The following MICAL2 variants were observed in gnomAD, a reference collection of about 807,000 sequenced individuals.
MICAL2 encodes the protein [F-actin]-monooxygenase MICAL2.
Under a neutral mutation model 127.3 loss-of-function variants are expected in MICAL2, and 77 were observed. The ratio of observed to expected loss-of-function variants is 0.60; its 90% CI spans 0.50 to 0.73. The LOEUF is 0.73. Among genes scored for constraint, MICAL2 ranks in the 30% least tolerant of loss-of-function variants. The pLI, the probability that MICAL2 is intolerant of heterozygous loss-of-function variation, is 0.00. For synonymous variants in MICAL2, 570 were observed against 551.1 expected (o/e 1.03, Z -0.48); for missense variants, 1,351 against 1,434.4 (o/e 0.94, Z 0.94).
At position 12,239,518 on chromosome 11, in the gene MICAL2, A is replaced by G; in HGVS notation, c.2147A>G (p.Lys716Arg). The change falls in exon 17 of 28, where the codon AAG (lysine) becomes AGG (arginine). Residue 716 changes from lysine to arginine, a missense_variant. By Grantham distance (26) the Lys-to-Arg change is conservative (BLOSUM62 2). Coordinates refer to ENST00000683283, the MANE Select transcript of MICAL2 (RefSeq NM_001282663.2). ...SKEGGNQNKV[K>R]SMANQLLAKF... ...GAAGGTGGAAATCAGAACAAAGTCA[A>G]GTCCATGGCGAATCAGCTGCTGGCC... 6.2e-7 allele frequency: 1 copy of G among 1,614,246 alleles called. No individual in the cohort carries two copies. The highest frequency in any genetic ancestry group is 1.1e-5 in the South Asian group (1 of 91,084).
At chr11:12,160,569 C>G (rs180918903) in intron 2 of MICAL2, among the ~76,000 whole-genome samples, 1 of 152,338 alleles carries the variant, frequency 6.6e-6, no homozygotes, top group Non-Finnish European at 1.5e-5. Flanking sequence ...CACTCACATC[C>G]CTGTGTGGGT....
At chr11:12,361,668 G>C (rs1262913890), downstream of MICAL2, among the ~76,000 whole-genome samples, 1 of 152,224 alleles carries the variant, frequency 6.6e-6, no homozygotes, top group Admixed American at 6.5e-5. Context: ...GAGAAAGGAA[G>C]TGGCAGGTGT....
At position 12,262,051 on chromosome 11, in the gene MICAL2, T is replaced by C. The variant is rs922255019; in HGVS notation, c.3335-429T>C. On this transcript the variant is annotated intron_variant, in intron 26 of 27. Transcript: ENST00000683283. ...CAGCCATAAGGAGACTGGTTTGAAT[T>C]ACTGTGGCGAGACAGGGCGTGCCTG... is the stretch of plus-strand genomic sequence containing the variant. 1.3e-5 allele frequency: 14 copies of C among 1,064,954 alleles called. No individual in the cohort carries two copies. In the African/African-American group the frequency reaches 2.3e-4, roughly 18 times the overall value. 66.0% of individuals were successfully genotyped at this position (1,064,954 alleles called of 1,614,324 possible).
intron 3 of MICAL2, among the ~76,000 whole-genome samples, chr11:12,184,158 A>C (rs1857856690): frequency 6.6e-6 from 1 of 152,182 alleles, no homozygotes; most frequent in South Asian, 2.1e-4. Flanking sequence ...AATAGTCTCC[A>C]ACTTTGAGGG....
chr11:12,293,572 T>C (rs1305668861), downstream of MICAL2: 1 of 1,609,768 alleles, frequency 6.2e-7, no homozygotes. Context: ...TGACAGCTTC[T>C]GAGCCCCTCT....
upstream of MICAL2, among the ~76,000 whole-genome samples, chr11:12,273,579 A>G (rs1438553703): frequency 6.6e-6 from 1 of 151,176 alleles, no homozygotes; most frequent in African/African-American, 2.4e-5. Flanking sequence ...TGATATTTTA[A>G]GATGAGGTAT....
chr11:12,351,695 G>A (rs1042123596), intron 33 of MICAL2, among the ~76,000 whole-genome samples: 4 of 152,138 alleles, frequency 2.6e-5, no homozygotes, highest in Admixed American at 2.0e-4. Flanking sequence ...GAGGTGGCCC[G>A]GAGTTACATT....
chr11:12,318,076 A>G (rs1382413697), intron 29 of MICAL2, among the ~76,000 whole-genome samples: 2 of 152,240 alleles, frequency 1.3e-5, no homozygotes, highest in African/African-American at 4.8e-5. Context: ...GATGATGATC[A>G]CGTGGTTCCT....
At chr11:12,232,852 A>G (rs1166756697) in intron 15 of MICAL2, among the ~76,000 whole-genome samples, 1 of 152,218 alleles carries the variant, frequency 6.6e-6, no homozygotes, top group Non-Finnish European at 1.5e-5. Flanking sequence ...GTGTTCACCC[A>G]TGGTCCAAAA....
At chr11:12,303,287 G>T (rs1590729680) in intron 29 of MICAL2, among the ~76,000 whole-genome samples, 1 of 152,272 alleles carries the variant, frequency 6.6e-6, no homozygotes, top group Non-Finnish European at 1.5e-5. Context: ...CTACTCCAAG[G>T]TCATGTAGAT....
chr11:12,269,010 A>T (rs1052380063), intron 24 of MICAL2, among the ~76,000 whole-genome samples: 1 of 152,098 alleles, frequency 6.6e-6, no homozygotes, highest in Non-Finnish European at 1.5e-5. Flanking sequence ...AGGAAAAAAA[A>T]AAATAAGAGT....
intron 1 of MICAL2, among the ~76,000 whole-genome samples, chr11:12,135,620 AT>A (rs1220438853): frequency 1.3e-5 from 2 of 152,224 alleles, no homozygotes; most frequent in African/African-American, 4.8e-5. Flanking sequence ...CACAGAGATG[AT>A]GTGATTTGCC....
In MICAL2 at chr11:12,217,502, G is replaced by A. The variant is rs114617392; in HGVS notation, c.948+1183G>A. 7.9e-3 allele frequency among the ~76,000 whole-genome samples: 1,196 copies of A among 152,266 alleles called. 22 individuals are homozygous for A. The highest frequency in any genetic ancestry group is 0.027 in the African/African-American group (1,128 of 41,544). ...GCTGACTGTCAGTCTGGGAGTGGTG[G>A]CGTCCCCTTCTTCCCTCTGCCTCAC... On this transcript the variant is annotated intron_variant, in intron 8 of 27. Transcript: ENST00000683283.
chr11:12,241,235 G>C, intron 18 of MICAL2, 73 bp downstream of exon 18: 1 of 1,540,830 alleles, frequency 6.5e-7, no homozygotes, highest in Non-Finnish European at 8.8e-7. Flanking sequence ...TGGGGTCAGT[G>C]GCTCTTCCCA....
chr11:12,240,363 A>G (rs1859730532), intron 17 of MICAL2, among the ~76,000 whole-genome samples: 2 of 152,216 alleles, frequency 1.3e-5, no homozygotes, highest in Non-Finnish European at 1.5e-5. Flanking sequence ...GGGTTTTTCT[A>G]TGGTGAACAC....
rs116744156 is a variant in MICAL2, at chr11:12,143,411, C to T, written c.-78+4951C>T. On this transcript the variant is annotated intron_variant, in intron 2 of 27. Coordinates refer to ENST00000683283, the MANE Select transcript of MICAL2 (RefSeq NM_001282663.2). ...AAAATACTTGCTGCTAGGTGAGATT[C>T]ATTGAAAGAAACATTAGCAGAGACC... 1.9e-4 allele frequency among the ~76,000 whole-genome samples: 29 copies of T among 152,290 alleles called. 1 individual carries two copies. Among genetic ancestry groups the T allele is most frequent in the African/African-American group, 7.0e-4 (29 of 41,556 alleles).
intron 26 of MICAL2, chr11:12,261,227 C>T (rs889488525): frequency 1.3e-5 from 13 of 985,392 alleles, no homozygotes; most frequent in Middle Eastern, 5.2e-4. Flanking sequence ...CTTAGCTGCT[C>T]CGCTGCCACA....
rs932480959 is a variant in MICAL2, at chr11:12,324,149, G to A, written c.5421+79G>A. 3 of 1,520,934 alleles carry A rather than the reference G, an allele frequency of 2.0e-6. No homozygotes were observed. The African/African-American group carries it at 4.2e-5, about 21-fold the overall frequency. The allele number at this position is 1,520,934 out of a possible 1,614,324, so 94.2% of individuals were successfully genotyped here. A position where few individuals can be genotyped will look rare whatever the true frequency, so the allele number is the denominator to read the frequency against. The stretch of plus-strand genomic sequence containing the variant: ...CTCTGGATGGGAAAGAGTTTTGGGG[G>A]TCTGCATTGTATTAGGGAAAGCAGG... On this transcript the variant is annotated intron_variant, in intron 31 of 34. Transcript: ENST00000646065.
intron 3 of MICAL2, among the ~76,000 whole-genome samples, chr11:12,191,095 A>G (rs138863569): frequency 0.012 from 1,765 of 152,348 alleles, 22 homozygotes; most frequent in Middle Eastern, 0.024. Flanking sequence ...GGATACAGCT[A>G]TGAATCAGAG....
Sources: gnomAD v4.1 joint callset for allele counts (sites outside exome capture counted in the v4.1 genomes callset) on GRCh38, gnomAD v4.1.1 for gene constraint, MANE v1.5 for transcripts, NCBI Gene and HGNC (gene_info 2026-07-23, HGNC 2026-07-21) for gene names.